PARP9: variants seen among roughly 807,000 people sequenced by gnomAD.
PARP9 encodes the protein protein mono-ADP-ribosyltransferase PARP9.
A neutral mutation model predicts 68.8 loss-of-function variants in PARP9; 48 were observed. The observed-to-expected ratio is 0.70, with a 90% CI of 0.55 to 0.89. The LOEUF (loss-of-function observed/expected upper bound fraction) is 0.89, where lower values mean the gene tolerates loss of function less well. PARP9 is among the 40% of genes least tolerant of loss of function. The pLI, the probability that PARP9 is intolerant of heterozygous loss-of-function variation, is 0.00. For synonymous variants in PARP9, 309 were observed against 333.8 expected (o/e 0.93, Z 0.81); for missense variants, 806 against 969.3 (o/e 0.83, Z 2.24).
chr3:122,535,388 T>G, intron 10 of PARP9: 2 of 985,396 alleles, frequency 2.0e-6, no homozygotes, highest in Non-Finnish European at 2.4e-6. Flanking sequence ...TCTATTGGAA[T>G]TGACTCCTCA....
At chr3:122,551,190 A>G (rs772402855) in intron 5 of PARP9, among the ~76,000 whole-genome samples, 32 of 152,378 alleles carry the variant, frequency 2.1e-4, no homozygotes, top group Admixed American at 1.0e-3. Context: ...ATAAGAAAGC[A>G]GCACTTATTC....
At chr3:122,536,037 T>C in intron 10 of PARP9, 131 bp downstream of exon 10, 1 of 1,559,924 alleles carries the variant, frequency 6.4e-7, no homozygotes, top group Non-Finnish European at 8.7e-7. Context: ...GGGTCATCAT[T>C]TGTGACCTCT....
At chr3:122,547,146 G>A (rs1271959990) in intron 6 of PARP9, among the ~76,000 whole-genome samples, 7 of 138,500 alleles carry the variant, frequency 5.1e-5, no homozygotes, top group African/African-American at 8.2e-5. Flanking sequence ...CCTGGCTGGC[G>A]TGCAGTGGTG....
chr3:122,551,077 C>T (rs986675135), intron 5 of PARP9, among the ~76,000 whole-genome samples: 1 of 152,126 alleles, frequency 6.6e-6, no homozygotes, highest in African/African-American at 2.4e-5. Flanking sequence ...CCTTACCCAT[C>T]CCCCCAGGTC....
chr3:122,538,050 C>T (rs1331983839), intron 8 of PARP9, among the ~76,000 whole-genome samples: 2 of 152,154 alleles, frequency 1.3e-5, no homozygotes, highest in Non-Finnish European at 2.9e-5. Flanking sequence ...AATTTAACCA[C>T]AAAAAGCAGG....
Position 122,559,629 on chromosome 3 carries a change from TC to T in PARP9, c.-10del. 6.3e-7 allele frequency: 1 copy of T among 1,589,138 alleles called. No individual in the cohort carries two copies. Among genetic ancestry groups the T allele is most frequent in the Non-Finnish European group, 8.6e-7 (1 of 1,167,756 alleles). On this transcript the variant is annotated 5_prime_UTR_variant, in exon 2 of 11. Transcript: ENST00000682323. The stretch of plus-strand genomic sequence containing the variant: ...ACCATGGAAAAGTCCATCCTCCAGG[TC>T]CCCGGGGGAGTCTTTAAATGTTTAT...
chr3:122,545,962 C>G (rs2078669713), intron 6 of PARP9: 1 of 154,456 alleles, frequency 6.5e-6, no homozygotes, highest in African/African-American at 2.4e-5. Flanking sequence ...TAAAATTGTT[C>G]CTGGCTTGTA....
Position 122,564,245 on chromosome 3 carries a change from C to A in PARP9, c.-90G>T. The A allele has an allele frequency of 1.4e-6, 1 of 704,006 alleles. No homozygotes were observed. 43.6% of individuals were successfully genotyped at this position (704,006 alleles called of 1,614,324 possible). A position where few individuals can be genotyped will look rare whatever the true frequency, so the allele number is the denominator to read the frequency against. ...GCCCAGAGGCACCGGACCTACTCAC[C>A]CGGCAGGCCGCTCTCCTCGGTGCAG... On this transcript the variant is annotated splice_region_variant and 5_prime_UTR_variant, in exon 1 of 11. Coordinates refer to ENST00000682323, the MANE Select transcript of PARP9 (RefSeq NM_001146105.2).
intron 8 of PARP9, among the ~76,000 whole-genome samples, chr3:122,539,467 G>T (rs895445587): frequency 1.3e-5 from 2 of 151,842 alleles, no homozygotes; most frequent in African/African-American, 4.8e-5. Flanking sequence ...TTAGTTGAAT[G>T]ATATCTATAT....
At chr3:122,548,249 G>A (rs1390839212) in intron 6 of PARP9, among the ~76,000 whole-genome samples, 1 of 152,220 alleles carries the variant, frequency 6.6e-6, no homozygotes, top group Non-Finnish European at 1.5e-5. Context: ...GCTGGAACAA[G>A]TATAAATTCA....
chr3:122,543,511 A>G (rs2078433507), intron 7 of PARP9, among the ~76,000 whole-genome samples: 1 of 152,090 alleles, frequency 6.6e-6, no homozygotes, highest in African/African-American at 2.4e-5. Flanking sequence ...TCCCGACCTC[A>G]GGTGATCCGC....
intron 6 of PARP9, among the ~76,000 whole-genome samples, chr3:122,546,968 C>CTATATATA (rs57337681): frequency 1.4e-3 from 99 of 70,110 alleles, no homozygotes; most frequent in Non-Finnish European, 1.8e-3. Context: ...ATACATGGCA[C>CTATATATA]TATATATATA....
intron 4 of PARP9, among the ~76,000 whole-genome samples, chr3:122,554,293 T>C (rs926153053): frequency 6.6e-6 from 1 of 152,204 alleles, no homozygotes; most frequent in East Asian, 1.9e-4. Context: ...GCAATCTTTC[T>C]TGGTCCACTA....
intron 6 of PARP9, among the ~76,000 whole-genome samples, chr3:122,546,454 AAGTGTT>A (rs1274112824): frequency 3.9e-5 from 6 of 152,364 alleles, no homozygotes; most frequent in Middle Eastern, 3.4e-3. Context: ...AGGCAAATAT[AAGTGTT>A]CTGAACATGT....
chr3:122,538,562 C>T (rs2077828898), intron 8 of PARP9, among the ~76,000 whole-genome samples: 1 of 151,840 alleles, frequency 6.6e-6, no homozygotes. Flanking sequence ...ACCAAAAGTG[C>T]CATCGTGCGG....
intron 7 of PARP9, among the ~76,000 whole-genome samples, chr3:122,544,584 A>T (rs919855484): frequency 4.6e-5 from 7 of 152,164 alleles, no homozygotes; most frequent in African/African-American, 1.4e-4. Flanking sequence ...TCGGAGGTGG[A>T]GGCAGGCAGA....
intron 7 of PARP9, among the ~76,000 whole-genome samples, chr3:122,541,731 C>T (rs2078245429): frequency 6.6e-6 from 1 of 152,234 alleles, no homozygotes; most frequent in South Asian, 2.1e-4. Flanking sequence ...GTTGTCCCAT[C>T]TCACCAACAA....
At chr3:122,562,382 A>C (rs1576452053) in intron 1 of PARP9, among the ~76,000 whole-genome samples, 1 of 147,966 alleles carries the variant, frequency 6.8e-6, no homozygotes. Context: ...TTTAGTAGAG[A>C]CGGGGTTTCA....
At chr3:122,532,698 ATACT>A (rs2077390543) in intron 10 of PARP9, 1 of 152,648 alleles carries the variant, frequency 6.6e-6, no homozygotes, top group South Asian at 2.1e-4. Context: ...GAGGAGGAAG[ATACT>A]TACTAGGCCT....
Sources: gnomAD v4.1 joint callset for allele counts (sites outside exome capture counted in the v4.1 genomes callset) on GRCh38, gnomAD v4.1.1 for gene constraint, MANE v1.5 for transcripts, NCBI Gene and HGNC (gene_info 2026-07-23, HGNC 2026-07-21) for gene names.